Variants in ST8SIA1 observed in about 807,000 individuals in gnomAD.
ST8SIA1 encodes ST8 alpha-N-acetyl-neuraminide alpha-2,8-sialyltransferase 1, also known as alpha-N-acetylneuraminide alpha-2,8-sialyltransferase.
A neutral mutation model predicts 35.9 loss-of-function variants in ST8SIA1; 16 were observed. That is an observed-to-expected ratio of 0.45 (90% CI 0.30 to 0.68). The LOEUF is 0.68. ST8SIA1 is among the 30% of genes least tolerant of loss of function. ST8SIA1 has a pLI of 0.09. For missense variants in ST8SIA1, 383 were observed against 453.6 expected, an observed-to-expected ratio of 0.84 and a Z score of 1.41; for synonymous variants, 170 against 169.6, an observed-to-expected ratio of 1.00 and a Z score of -0.02.
chr12:22,334,159 C>T lies in ST8SIA1; in HGVS notation c.74G>A (p.Arg25Gln), dbSNP rs1344859630. The change falls in exon 1 of 5, where the codon CGG (arginine) becomes CAG (glutamine). Residue 25 changes from arginine (R) to glutamine (Q), a missense_variant. Coordinates refer to ENST00000396037, the MANE Select transcript of ST8SIA1 (RefSeq NM_003034.4). Reference protein sequence around the residue: ...AMAVLAWKFPRTRLPMGASAL... With the variant: ...AMAVLAWKFPQTRLPMGASAL... ...ACTGGCTCCCATGGGCAGCCGGGTC[C>T]GCGGGAACTTCCACGCCAGTACAGC... is the stretch of plus-strand genomic sequence containing the variant. The T allele has an allele frequency of 6.2e-7, 1 of 1,613,902 alleles. No homozygotes were observed. Among genetic ancestry groups the T allele is most frequent in the African/African-American group, 1.3e-5 (1 of 74,898 alleles).
At chr12:22,272,026 A>G (rs1309163369) in intron 2 of ST8SIA1, among the ~76,000 whole-genome samples, 1 of 152,094 alleles carries the variant, frequency 6.6e-6, no homozygotes, top group Non-Finnish European at 1.5e-5. Context: ...TCTATCTTAC[A>G]TCTTATAAAT....
chr12:22,307,063 T>C (rs1429010939), intron 1 of ST8SIA1, among the ~76,000 whole-genome samples: 1 of 152,120 alleles, frequency 6.6e-6, no homozygotes, highest in Admixed American at 6.6e-5. Flanking sequence ...TTCTGTATTC[T>C]TCTGCCTCCT....
At chr12:22,290,532 G>A (rs1866161491) in intron 1 of ST8SIA1, among the ~76,000 whole-genome samples, 1 of 151,216 alleles carries the variant, frequency 6.6e-6, no homozygotes, top group Admixed American at 6.6e-5. Context: ...TCAAGAAAAG[G>A]GGCACCAACA....
In ST8SIA1 at chr12:22,238,219, G is replaced by A. The variant is rs1414241309; in HGVS notation, c.584+10787C>T. On this transcript the variant is annotated intron_variant, in intron 4 of 4. Coordinates refer to ENST00000396037, the MANE Select transcript of ST8SIA1 (RefSeq NM_003034.4). ...GAACTCTTCTCTCTTGTACCTGGGT[G>A]GGACTTTGTGATTGCTTCAAGCAAT... Among the ~76,000 whole-genome samples, 19 of 152,196 alleles carry A rather than the reference G, an allele frequency of 1.2e-4. No individual in the cohort carries two copies. The South Asian group carries it at 3.7e-3, about 30-fold the overall frequency.
rs1209197416 is a variant in ST8SIA1 at position 22,224,617 on chromosome 12, C to T, written c.585-22579G>A. Among the ~76,000 whole-genome samples the T allele has an allele frequency of 3.3e-5, 5 of 152,044 alleles. No homozygotes were observed. The East Asian group carries it at 5.8e-4, about 18-fold the overall frequency. On this transcript the variant is annotated intron_variant, in intron 4 of 4. Coordinates refer to ENST00000396037, the MANE Select transcript of ST8SIA1 (RefSeq NM_003034.4). ...ATGCAATTTTTTCCCAAATAATTGTCGGTTTTTAGATTTTATGTTTTTGAC... is the reference window on the plus strand; with the variant it reads ...ATGCAATTTTTTCCCAAATAATTGTTGGTTTTTAGATTTTATGTTTTTGAC...
In ST8SIA1 at chr12:22,229,196, C is replaced by T. The variant is rs377738138; in HGVS notation, c.584+19810G>A. Among the ~76,000 whole-genome samples, 63 of 151,900 alleles carry T rather than the reference C, an allele frequency of 4.1e-4. 2 individuals are homozygous for T. The South Asian group carries it at 0.013, about 32-fold the overall frequency. On this transcript the variant is annotated intron_variant, in intron 4 of 4. Coordinates refer to ENST00000396037, the MANE Select transcript of ST8SIA1 (RefSeq NM_003034.4). ...CACTATTTTCAGCAAGGGATTAGAA[C>T]AGCCTGAACAAAGACAATGGCAGTG...
At chr12:22,235,132 G>T (rs927497173) in intron 4 of ST8SIA1, among the ~76,000 whole-genome samples, 5 of 152,090 alleles carry the variant, frequency 3.3e-5, no homozygotes, top group Admixed American at 6.5e-5. Context: ...GGTTAAAAAT[G>T]CATATCATGA....
chr12:22,229,392 G>A (rs990691980), intron 4 of ST8SIA1, among the ~76,000 whole-genome samples: 1 of 152,064 alleles, frequency 6.6e-6, no homozygotes, highest in African/African-American at 2.4e-5. Context: ...TGAGGTGGGA[G>A]GATCACTCCA....
At chr12:22,306,939 C>T (rs1056436772) in intron 1 of ST8SIA1, among the ~76,000 whole-genome samples, 2 of 152,138 alleles carry the variant, frequency 1.3e-5, no homozygotes, top group African/African-American at 4.8e-5. Context: ...TCTACTATCA[C>T]ATTTTTTAAG....
chr12:22,253,387 T>C (rs1865694799), intron 3 of ST8SIA1, among the ~76,000 whole-genome samples: 1 of 152,166 alleles, frequency 6.6e-6, no homozygotes, highest in African/African-American at 2.4e-5. Context: ...AATACCTCTC[T>C]GGCTCCATCT....
chr12:22,232,557 A>C (rs530470636), intron 4 of ST8SIA1, among the ~76,000 whole-genome samples: 5 of 152,344 alleles, frequency 3.3e-5, no homozygotes, highest in Non-Finnish European at 5.9e-5. Context: ...AGATTAGCCA[A>C]GCTGGGAGTT....
intron 4 of ST8SIA1, among the ~76,000 whole-genome samples, chr12:22,244,029 T>C (rs926270560): frequency 1.2e-4 from 12 of 101,254 alleles, no homozygotes; most frequent in Non-Finnish European, 1.8e-4. Flanking sequence ...AAATTCTGTC[T>C]CAAAAAAAAA....
chr12:22,214,804 G>A (rs1865217933), intron 4 of ST8SIA1, among the ~76,000 whole-genome samples: 1 of 152,164 alleles, frequency 6.6e-6, no homozygotes, highest in Non-Finnish European at 1.5e-5. Context: ...CTTAATGCAT[G>A]TCATGTCATT....
intron 1 of ST8SIA1, among the ~76,000 whole-genome samples, chr12:22,302,224 G>A (rs1021370417): frequency 1.4e-5 from 2 of 145,268 alleles, no homozygotes; most frequent in African/African-American, 2.7e-5. Flanking sequence ...TGATGTTTTC[G>A]ATTTTTTTCT....
chr12:22,255,121 C>G (rs545021973), intron 3 of ST8SIA1, among the ~76,000 whole-genome samples, 159 bp downstream of exon 3: 47 of 152,288 alleles, frequency 3.1e-4, no homozygotes, highest in African/African-American at 1.1e-3. Flanking sequence ...CCCCTTACCC[C>G]TCTCCTAAAC....
intron 4 of ST8SIA1, among the ~76,000 whole-genome samples, chr12:22,212,791 G>C (rs1008226021): frequency 6.6e-6 from 1 of 152,154 alleles, no homozygotes; most frequent in African/African-American, 2.4e-5. Context: ...CACCATCTTT[G>C]TAAGACTACA....
At position 22,255,280 on chromosome 12, in the gene ST8SIA1, C is replaced by G; in HGVS notation, c.491G>C (p.Arg164Pro). ...RQIDEANFVM[R>P]CNLPPLSSEY... ...CCGCGCTGTGGGTGCTCTCTCTTAC[C>G]GCATGACAAAATTTGCTTCATCTAT... Residue 164 changes from arginine (R) to proline (P), a missense_variant and splice_region_variant, in exon 3 of 5, where the codon CGA (arginine) becomes CCA (proline). Coordinates refer to ENST00000396037, the MANE Select transcript of ST8SIA1 (RefSeq NM_003034.4). 1 of 1,613,706 alleles carries G rather than the reference C, an allele frequency of 6.2e-7. No homozygotes were observed. Among genetic ancestry groups the G allele is most frequent in the East Asian group, 2.2e-5 (1 of 44,874 alleles).
At chr12:22,268,652 G>T (rs1345807448) in intron 2 of ST8SIA1, 2 of 151,916 alleles carry the variant, frequency 1.3e-5, no homozygotes, top group Admixed American at 6.6e-5. Context: ...AAACCCATCA[G>T]ATCTCGTGAG....
At chr12:22,277,462 G>A (rs897770032) in intron 2 of ST8SIA1, among the ~76,000 whole-genome samples, 6 of 151,192 alleles carry the variant, frequency 4.0e-5, no homozygotes, top group African/African-American at 1.5e-4. Context: ...TGCCTCCTGG[G>A]TTCAAGCAAT....
Sources: allele counts gnomAD v4.1 joint callset (sites outside exome capture counted in the v4.1 genomes callset), GRCh38; gene constraint gnomAD v4.1.1; transcripts MANE v1.5; gene names NCBI Gene and HGNC (gene_info 2026-07-23, HGNC 2026-07-21).